The following NUDT19 variants were observed in gnomAD, a reference collection of about 807,000 sequenced individuals.
NUDT19 encodes the protein nudix hydrolase 19, also known as acyl-coenzyme A diphosphatase NUDT19.
A neutral mutation model predicts 22.2 loss-of-function variants in NUDT19; 31 were observed. That is an observed-to-expected ratio of 1.40 (90% CI 1.05 to 1.89). The LOEUF (loss-of-function observed/expected upper bound fraction) is 1.89, where lower values mean the gene tolerates loss of function less well. Among genes scored for constraint, NUDT19 ranks in the 40% most tolerant of loss-of-function variants. The pLI, the probability that NUDT19 is intolerant of heterozygous loss-of-function variation, is 0.00. For missense variants in NUDT19, 752 were observed against 514.2 expected (o/e 1.46, Z -4.47); for synonymous variants, 325 against 230.8 (o/e 1.41, Z -3.70).
intron 1 of NUDT19, among the ~76,000 whole-genome samples, chr19:32,703,007 A>ATT (rs35651555): frequency 6.1e-5 from 9 of 148,476 alleles, no homozygotes; most frequent in African/African-American, 1.7e-4. Flanking sequence ...TAGACCATCA[A>ATT]TTTTTTTTTT....
intron 1 of NUDT19, among the ~76,000 whole-genome samples, chr19:32,705,442 C>T (rs1468992681): frequency 6.6e-6 from 1 of 150,920 alleles, no homozygotes; most frequent in Non-Finnish European, 1.5e-5. Flanking sequence ...AAAAGAAAAA[C>T]AAAAAGAGAG....
Position 32,707,908 on chromosome 19 carries a change from GCA to G in NUDT19, c.715-1276_715-1275del, listed in dbSNP as rs767434621. Among the ~76,000 whole-genome samples, 161 of 151,632 alleles carry G rather than the reference GCA, an allele frequency of 1.1e-3. 1 individual carries two copies. Among genetic ancestry groups the G allele is most frequent in the Non-Finnish European group, 1.9e-3 (132 of 67,914 alleles). ...CAGGAGAATGGCATGAACCCAGGAGGCAGAGCTTGCAGTGAGCTGAGATCACA... is the reference window on the plus strand; with the variant it reads ...CAGGAGAATGGCATGAACCCAGGAGGGAGCTTGCAGTGAGCTGAGATCACA... On this transcript the variant is annotated intron_variant, in intron 1 of 2. Transcript: ENST00000397061.
In NUDT19 at chr19:32,705,645, C is replaced by T. The variant is rs146525559; in HGVS notation, c.715-3540C>T. Among the ~76,000 whole-genome samples, 729 of 149,430 alleles carry T rather than the reference C, an allele frequency of 4.9e-3. 4 individuals carry two copies. The highest frequency in any genetic ancestry group is 0.014 in the African/African-American group (572 of 40,548). ...TGCCACCCAGGCTGGAGTGCAGTGG[C>T]GTGGTCTTGGCTCACTGCAACCTCC... is the stretch of plus-strand genomic sequence containing the variant. On this transcript the variant is annotated intron_variant, in intron 1 of 2. Transcript: ENST00000397061.
Position 32,692,098 on chromosome 19 carries a change from G to A in NUDT19, c.138G>A (p.Leu46=), listed in dbSNP as rs778251253. ...CGGCCGAGGGCTTCCGGCTGCTGCT[G>A]CTGCAGCGCTCCCCGCACCAAGGCT... ...PPPAEGFRLL[L]LQRSPHQGFM... is the part of the protein sequence containing the mutation. The change falls in exon 1 of 3, where the codon CTG becomes CTA. Residue 46 remains leucine (L), a synonymous_variant. Coordinates refer to ENST00000397061, the MANE Select transcript of NUDT19 (RefSeq NM_001105570.2). The A allele has an allele frequency of 2.2e-6, 3 of 1,388,658 alleles. No homozygotes were observed. In the African/African-American group the frequency reaches 4.5e-5, roughly 21 times the overall value. The allele number at this position is 1,388,658 out of a possible 1,614,324, so 86.0% of individuals were successfully genotyped here. A position where few individuals can be genotyped will look rare whatever the true frequency, so the allele number is the denominator to read the frequency against.
At chr19:32,698,159 C>T (rs1185151460) in intron 1 of NUDT19, among the ~76,000 whole-genome samples, 1 of 152,136 alleles carries the variant, frequency 6.6e-6, no homozygotes, top group East Asian at 1.9e-4. Flanking sequence ...AAAACTTAGA[C>T]ATAAGGTATT....
At chr19:32,705,081 G>A (rs911881244) in intron 1 of NUDT19, among the ~76,000 whole-genome samples, 6 of 149,160 alleles carry the variant, frequency 4.0e-5, no homozygotes, top group Non-Finnish European at 8.9e-5. Context: ...ACTCCAGCCT[G>A]GGGGACAAGA....
intron 1 of NUDT19, among the ~76,000 whole-genome samples, chr19:32,698,997 A>C (rs886500278): frequency 6.6e-6 from 1 of 152,156 alleles, no homozygotes; most frequent in Admixed American, 6.5e-5. Context: ...AGTTATATGA[A>C]TAGGAAGGAT....
chr19:32,704,554 C>T (rs1231454557), intron 1 of NUDT19, among the ~76,000 whole-genome samples: 1 of 151,978 alleles, frequency 6.6e-6, no homozygotes, highest in Non-Finnish European at 1.5e-5. Context: ...GCCACCATGC[C>T]CAGCCTCTTG....
In NUDT19 at chr19:32,709,215, T is replaced by C; in HGVS notation, c.745T>C (p.Phe249Leu). The C allele has an allele frequency of 6.2e-7, 1 of 1,613,904 alleles. No individual in the cohort carries two copies. The highest frequency in any genetic ancestry group is 8.5e-7 in the Non-Finnish European group (1 of 1,179,966). ...ATCTCCATCAGAGGCAACTGAAAGTTTCTTATCAAAAGAAATTTGGTTGCC... is the reference window on the plus strand; with the variant it reads ...ATCTCCATCAGAGGCAACTGAAAGTCTCTTATCAAAAGAAATTTGGTTGCC... ...WSSPSEATES[F>L]LSKEIWLPPP... The change falls in exon 2 of 3, where the codon TTC becomes CTC. Residue 249 changes from phenylalanine (F) to leucine (L), a missense_variant. Physicochemically the swap from Phe to Leu is conservative, Grantham distance 22. Coordinates refer to ENST00000397061, the MANE Select transcript of NUDT19 (RefSeq NM_001105570.2).
Position 32,692,190 on chromosome 19 carries a change from T to C in NUDT19, c.230T>C (p.Leu77Pro). ...LDAADRSADW[L>P]GLFAPHHGPP... ...GCGGCCGACCGCTCGGCGGACTGGC[T>C]GGGCCTCTTCGCGCCGCACCACGGG... The change falls in exon 1 of 3, where the codon CTG becomes CCG. Residue 77 changes from leucine to proline, a missense_variant. Physicochemically the swap from Leu to Pro is moderately conservative, Grantham distance 98 (BLOSUM62 -3). Transcript: ENST00000397061. The C allele has an allele frequency of 6.4e-7, 1 of 1,568,418 alleles. No homozygotes were observed. The highest frequency in any genetic ancestry group is 8.6e-7 in the Non-Finnish European group (1 of 1,167,384).
In NUDT19 at chr19:32,692,566, C is replaced by A; in HGVS notation, c.606C>A (p.Thr202=). The A allele has an allele frequency of 6.3e-7, 1 of 1,597,342 alleles. No individual in the cohort carries two copies. The highest frequency in any genetic ancestry group is 1.7e-5 in the Admixed American group (1 of 58,222). ...TGCACAACTGGAGCGCCTGGCTCAC[C>A]CCTTTCTTGCGGGGCACCACTCGCC... ...WALHNWSAWL[T]PFLRGTTRRF... is the part of the protein sequence containing the mutation. Residue 202 remains threonine, a synonymous_variant, in exon 1 of 3, where the codon ACC becomes ACA. Coordinates refer to ENST00000397061, the MANE Select transcript of NUDT19 (RefSeq NM_001105570.2).
intron 1 of NUDT19, among the ~76,000 whole-genome samples, chr19:32,700,984 G>A (rs1266684416): frequency 6.6e-6 from 1 of 151,174 alleles, no homozygotes; most frequent in African/African-American, 2.4e-5. Context: ...AGGCTGCAGT[G>A]AGCTATGATC....
At chr19:32,695,588 CCT>C (rs1421764719) in intron 1 of NUDT19, among the ~76,000 whole-genome samples, 1 of 152,158 alleles carries the variant, frequency 6.6e-6, no homozygotes, top group African/African-American at 2.4e-5. Context: ...TTTGACTTTG[CCT>C]CTTTCTCTCT....
rs1272177421 is a variant in NUDT19, at chr19:32,713,191, C to T, written c.*1234C>T. The T allele has an allele frequency of 7.2e-5, 11 of 152,118 alleles. No homozygotes were observed. Among genetic ancestry groups the T allele is most frequent in the Admixed American group, 3.3e-4 (5 of 15,260 alleles). 9.4% of individuals were successfully genotyped at this position (152,118 alleles called of 1,614,324 possible). Reference sequence around the variant, plus strand: ...TTTATTTATTTTTGAGACAGAGTCTCGCTCTGTTGCCCAGGCTGGAGTACA... The same window carrying T: ...TTTATTTATTTTTGAGACAGAGTCTTGCTCTGTTGCCCAGGCTGGAGTACA... On this transcript the variant is annotated 3_prime_UTR_variant, in exon 3 of 3. Transcript: ENST00000397061.
intron 1 of NUDT19, among the ~76,000 whole-genome samples, chr19:32,696,159 G>C (rs565055168): frequency 6.6e-6 from 1 of 152,230 alleles, no homozygotes; most frequent in Non-Finnish European, 1.5e-5. Context: ...GGCCACACAT[G>C]TATGCACTTG....
At chr19:32,693,538 G>A (rs894860407) in intron 1 of NUDT19, among the ~76,000 whole-genome samples, 9 of 152,208 alleles carry the variant, frequency 5.9e-5, no homozygotes, top group African/African-American at 1.9e-4. Flanking sequence ...GGGTGCTGGT[G>A]GCTGGGTGGC....
chr19:32,701,199 GTT>G (rs3042685), intron 1 of NUDT19, among the ~76,000 whole-genome samples: 1,979 of 100,840 alleles, frequency 0.02, 12 homozygotes, highest in East Asian at 0.1. Context: ...CATCTTGCAG[GTT>G]TTTTTTTTTT....
intron 1 of NUDT19, among the ~76,000 whole-genome samples, chr19:32,704,241 G>T (rs1968364470): frequency 6.6e-6 from 1 of 151,662 alleles, no homozygotes; most frequent in Non-Finnish European, 1.5e-5. Context: ...CTTAGGAGAG[G>T]TCTGTTACCA....
intron 1 of NUDT19, among the ~76,000 whole-genome samples, chr19:32,695,504 TG>T (rs1968252487): frequency 6.6e-6 from 1 of 152,154 alleles, no homozygotes; most frequent in South Asian, 2.1e-4. Context: ...AGGAATAGGG[TG>T]CACTGTTTTT....
Sources: gnomAD v4.1 joint callset for allele counts (sites outside exome capture counted in the v4.1 genomes callset) on GRCh38, gnomAD v4.1.1 for gene constraint, MANE v1.5 for transcripts, NCBI Gene and HGNC (gene_info 2026-07-23, HGNC 2026-07-21) for gene names.